Variants in SV2C observed in about 807,000 individuals in gnomAD.
The protein encoded by SV2C is synaptic vesicle glycoprotein 2C.
A neutral mutation model predicts 79.7 loss-of-function variants in SV2C; 49 were observed. The observed-to-expected ratio is 0.61, with a 90% confidence interval of 0.49 to 0.78. The LOEUF is 0.78. Ranked by LOEUF, SV2C falls within the 30% of genes least tolerant of loss-of-function variation. The probability of loss-of-function intolerance (pLI) is 0.00; values close to 1 mark genes in which losing one functional copy is unlikely to be tolerated. For synonymous variants in SV2C, 334 were observed against 333.2 expected (o/e 1.00, Z -0.03); for missense variants, 833 against 912.9 (o/e 0.91, Z 1.13).
chr5:75,934,332 GC>G, the SV2C span, among the ~76,000 whole-genome samples: 1 of 125,206 alleles, frequency 8.0e-6, no homozygotes, highest in African/African-American at 3.6e-5. Flanking sequence ...CTGTCGCTGG[GC>G]TGGAGTGCAA....
chr5:76,199,001 G>C (rs1744352316), intron 3 of SV2C, among the ~76,000 whole-genome samples: 1 of 152,130 alleles, frequency 6.6e-6, no homozygotes, highest in Non-Finnish European at 1.5e-5. Flanking sequence ...ATCTCAAAGA[G>C]GAGGGAGAAA....
intron 12 of SV2C, among the ~76,000 whole-genome samples, chr5:76,319,034 A>G (rs2913255): frequency 0.092 from 13,963 of 152,230 alleles, 701 homozygotes; most frequent in Admixed American, 0.14. Context: ...CTAAAAGCCT[A>G]TTTATTTTAT....
At chr5:75,957,100 G>A in the SV2C span, among the ~76,000 whole-genome samples, 11 of 152,050 alleles carry the variant, frequency 7.2e-5, no homozygotes, top group African/African-American at 2.4e-4. Flanking sequence ...ATACTTAGCA[G>A]CTGGCAGAAG....
intron 4 of SV2C, among the ~76,000 whole-genome samples, chr5:76,233,741 TTTATTGA>T (rs1194413523): frequency 6.6e-6 from 1 of 150,686 alleles, no homozygotes; most frequent in East Asian, 1.9e-4. Flanking sequence ...CTGGATTACA[TTTATTGA>T]TTTGCGTATA....
chr5:76,097,050 C>G (rs1003460075), intron 1 of SV2C, among the ~76,000 whole-genome samples: 3 of 152,138 alleles, frequency 2.0e-5, no homozygotes, highest in African/African-American at 7.2e-5. Context: ...ATACCTACCT[C>G]TTAACCCTAG....
downstream of SV2C, among the ~76,000 whole-genome samples, chr5:76,335,822 T>C (rs1385848165): frequency 1.3e-5 from 2 of 152,118 alleles, no homozygotes; most frequent in Non-Finnish European, 2.9e-5. Context: ...TGTCTACCTC[T>C]TTCTACACAG....
the SV2C span, among the ~76,000 whole-genome samples, chr5:75,869,273 A>G: frequency 6.6e-6 from 1 of 151,694 alleles, no homozygotes; most frequent in Non-Finnish European, 1.5e-5. Flanking sequence ...AGGGGAGCCC[A>G]CTCCCCTGTA....
the SV2C span, among the ~76,000 whole-genome samples, chr5:75,908,924 C>T: frequency 6.6e-6 from 1 of 152,176 alleles, no homozygotes; most frequent in African/African-American, 2.4e-5. Flanking sequence ...TTTTGATATT[C>T]AACAATGTCA....
Position 76,323,678 on chromosome 5 carries a change from C to T in SV2C, c.2001-1686C>T, listed in dbSNP as rs142258686. Among the ~76,000 whole-genome samples, 59 of 152,336 alleles carry T rather than the reference C, an allele frequency of 3.9e-4. No homozygotes were observed. In the East Asian group the frequency reaches 0.011, roughly 27 times the overall value. ...TAGACTGGATAAAGCAAATGTGGTA[C>T]ATGTACACCATGGAATACTATGCAG... On this transcript the variant is annotated intron_variant, in intron 12 of 12. Transcript: ENST00000502798.
the SV2C span, among the ~76,000 whole-genome samples, chr5:76,036,668 G>A: frequency 6.6e-6 from 1 of 152,162 alleles, no homozygotes; most frequent in African/African-American, 2.4e-5. Context: ...GTCTCTGGCT[G>A]CCTTTAACAT....
At chr5:76,137,795 G>T (rs886773374) in intron 2 of SV2C, among the ~76,000 whole-genome samples, 1 of 152,126 alleles carries the variant, frequency 6.6e-6, no homozygotes. Context: ...CCAATTAGAT[G>T]TGCTTGTTCT....
the SV2C span, among the ~76,000 whole-genome samples, chr5:75,901,798 G>T: frequency 1.4e-4 from 21 of 152,320 alleles, no homozygotes; most frequent in East Asian, 2.7e-3. Flanking sequence ...AATGGCAGGT[G>T]CCCCTCCCCC....
At chr5:76,037,963 C>T in the SV2C span, among the ~76,000 whole-genome samples, 2 of 152,212 alleles carry the variant, frequency 1.3e-5, no homozygotes, top group South Asian at 2.1e-4. Flanking sequence ...TTTTTAAGCC[C>T]GTCGGAAAAG....
At chr5:76,196,169 T>C (rs999798019) in intron 3 of SV2C, among the ~76,000 whole-genome samples, 5 of 152,206 alleles carry the variant, frequency 3.3e-5, no homozygotes, top group African/African-American at 1.2e-4. Flanking sequence ...ATGTCTTTCT[T>C]AATTATGTAT....
chr5:75,968,381 C>T, the SV2C span, among the ~76,000 whole-genome samples: 10 of 151,968 alleles, frequency 6.6e-5, no homozygotes, highest in African/African-American at 2.4e-4. Flanking sequence ...CTACTCTGAG[C>T]TAAAGGAGGA....
intron 4 of SV2C, among the ~76,000 whole-genome samples, chr5:76,264,510 G>A (rs1184583906): frequency 1.3e-5 from 2 of 152,096 alleles, no homozygotes; most frequent in East Asian, 3.9e-4. Context: ...AAGGATAAGA[G>A]GCATTCTGGT....
At chr5:76,108,725 T>G (rs1002991681) in intron 1 of SV2C, among the ~76,000 whole-genome samples, 1 of 152,216 alleles carries the variant, frequency 6.6e-6, no homozygotes, top group Non-Finnish European at 1.5e-5. Flanking sequence ...TTAAATTATC[T>G]TTTGCTGCTT....
At chr5:75,871,856 C>CACACAT in the SV2C span, among the ~76,000 whole-genome samples, 6 of 134,486 alleles carry the variant, frequency 4.5e-5, no homozygotes, top group African/African-American at 1.7e-4. Context: ...CACACACACA[C>CACACAT]ACGTATATAT....
intron 12 of SV2C, among the ~76,000 whole-genome samples, chr5:76,342,017 C>T (rs1054872070): frequency 1.3e-5 from 2 of 152,192 alleles, no homozygotes; most frequent in Non-Finnish European, 2.9e-5. Flanking sequence ...CCCACATACC[C>T]CAAACCCTGC....
Sources: allele counts gnomAD v4.1 joint callset (sites outside exome capture counted in the v4.1 genomes callset), GRCh38; gene constraint gnomAD v4.1.1; transcripts MANE v1.5; gene names NCBI Gene and HGNC (gene_info 2026-07-23, HGNC 2026-07-21).